FHOD3: variants seen among roughly 807,000 people sequenced by gnomAD.
The protein encoded by FHOD3 is FH1/FH2 domain-containing protein 3.
A neutral mutation model predicts 173.0 loss-of-function variants in FHOD3; 90 were observed. The ratio of observed to expected loss-of-function variants is 0.52; its 90% confidence interval spans 0.44 to 0.62. The LOEUF is 0.62. FHOD3 is among the 20% of genes least tolerant of loss of function. FHOD3 has a pLI of 0.00. For synonymous variants in FHOD3, 828 were observed against 823.0 expected, an observed-to-expected ratio of 1.01 and a Z score of -0.10; for missense variants, 1,945 against 2,034.7, an observed-to-expected ratio of 0.96 and a Z score of 0.85.
intron 8 of FHOD3, among the ~76,000 whole-genome samples, chr18:36,611,241 G>A (rs4482369): frequency 6.6e-6 from 1 of 152,332 alleles, no homozygotes; most frequent in South Asian, 2.1e-4. Context: ...TTACAAAGTA[G>A]GTTAGTTTTC....
chr18:36,439,648 G>A (rs2051023184), intron 3 of FHOD3, among the ~76,000 whole-genome samples: 1 of 151,744 alleles, frequency 6.6e-6, no homozygotes, highest in African/African-American at 2.4e-5. Context: ...TCTGCAAGCT[G>A]GAGACTCAGG....
chr18:36,379,140 A>G (rs1055298174), intron 3 of FHOD3, among the ~76,000 whole-genome samples: 2 of 152,230 alleles, frequency 1.3e-5, no homozygotes, highest in African/African-American at 4.8e-5. Context: ...ATCTACAGAC[A>G]TGCGGATAAA....
intron 10 of FHOD3, among the ~76,000 whole-genome samples, chr18:36,648,913 G>T (rs78853627): frequency 6.6e-6 from 1 of 152,208 alleles, no homozygotes; most frequent in Non-Finnish European, 1.5e-5. Context: ...TCTGGTTGCT[G>T]CAGCAGCTGG....
intron 10 of FHOD3, among the ~76,000 whole-genome samples, chr18:36,628,624 G>T (rs973705577): frequency 1.3e-5 from 2 of 152,112 alleles, no homozygotes; most frequent in Admixed American, 1.3e-4. Context: ...ATTGGTCATT[G>T]GTCAACTAAA....
intron 3 of FHOD3, among the ~76,000 whole-genome samples, chr18:36,465,505 G>C (rs1035097082): frequency 6.6e-6 from 1 of 152,142 alleles, no homozygotes; most frequent in Non-Finnish European, 1.5e-5. Context: ...TGGTACAGGA[G>C]GGGCAGTGCT....
intron 3 of FHOD3, among the ~76,000 whole-genome samples, chr18:36,443,201 C>A (rs904660813): frequency 6.6e-6 from 1 of 152,136 alleles, no homozygotes; most frequent in African/African-American, 2.4e-5. Context: ...ATTATGTAAA[C>A]ATCCTGCTCA....
chr18:36,573,556 T>C (rs1270685107), intron 5 of FHOD3, among the ~76,000 whole-genome samples: 2 of 152,108 alleles, frequency 1.3e-5, no homozygotes, highest in Non-Finnish European at 2.9e-5. Context: ...CAGTGAGCCA[T>C]GATGGCACCA....
At chr18:36,531,526 C>CTAAA (rs2056780082) in intron 5 of FHOD3, among the ~76,000 whole-genome samples, 1 of 152,172 alleles carries the variant, frequency 6.6e-6, no homozygotes, top group Non-Finnish European at 1.5e-5. Context: ...GCCTCCCTTC[C>CTAAA]TAAATCACAG....
chr18:36,659,628 G>C (rs1192755069), intron 14 of FHOD3, among the ~76,000 whole-genome samples: 1 of 152,198 alleles, frequency 6.6e-6, no homozygotes, highest in Non-Finnish European at 1.5e-5. Flanking sequence ...ACAGTGCCTG[G>C]GGCCTGGCAA....
chr18:36,637,800 G>T (rs1373253740), intron 10 of FHOD3, among the ~76,000 whole-genome samples: 1 of 152,160 alleles, frequency 6.6e-6, no homozygotes, highest in Non-Finnish European at 1.5e-5. Context: ...TGTGGACAGG[G>T]AGAGGCCTTA....
At chr18:36,487,647 G>A (rs2054258549) in intron 3 of FHOD3, among the ~76,000 whole-genome samples, 1 of 152,198 alleles carries the variant, frequency 6.6e-6, no homozygotes, top group Non-Finnish European at 1.5e-5. Context: ...ATTGAAGTCT[G>A]GCAGAACTTT....
At chr18:36,475,959 G>A (rs1350809179) in intron 3 of FHOD3, among the ~76,000 whole-genome samples, 1 of 152,110 alleles carries the variant, frequency 6.6e-6, no homozygotes, top group Non-Finnish European at 1.5e-5. Flanking sequence ...TTGACAAAAT[G>A]TACAATTACT....
chr18:36,525,630 A>C (rs777760290), intron 5 of FHOD3, among the ~76,000 whole-genome samples: 12 of 152,236 alleles, frequency 7.9e-5, no homozygotes, highest in Non-Finnish European at 5.9e-5. Context: ...GAATACTCTG[A>C]CCTCAGAGGT....
At chr18:36,675,152 A>G (rs2037769641) in intron 14 of FHOD3, among the ~76,000 whole-genome samples, 1 of 152,076 alleles carries the variant, frequency 6.6e-6, no homozygotes, top group Non-Finnish European at 1.5e-5. Flanking sequence ...AAGGCTGGCT[A>G]ATCATGTCCC....
In FHOD3 at chr18:36,372,635, C is replaced by G. The variant is rs529414204; in HGVS notation, c.273-45C>G. ...TGGATTGACAGCATGTGAGGTGTCTCTGCTGACTCCTCTGATGCCCCTGTT... is the reference window on the plus strand; with the variant it reads ...TGGATTGACAGCATGTGAGGTGTCTGTGCTGACTCCTCTGATGCCCCTGTT... On this transcript the variant is annotated intron_variant, in intron 2 of 28. Transcript: ENST00000590592. 161 of 1,557,594 alleles carry G rather than the reference C, an allele frequency of 1.0e-4. 2 individuals are homozygous for G. The South Asian group carries it at 1.7e-3, about 17-fold the overall frequency.
chr18:36,639,214 A>G (rs1203239856), intron 10 of FHOD3, among the ~76,000 whole-genome samples: 1 of 152,172 alleles, frequency 6.6e-6, no homozygotes, highest in Non-Finnish European at 1.5e-5. Context: ...TTCTCTGTCA[A>G]CTTCTGCTCT....
At chr18:36,544,407 T>C (rs1240719251) in intron 5 of FHOD3, 2 of 152,404 alleles carry the variant, frequency 1.3e-5, no homozygotes, top group Admixed American at 1.3e-4. Flanking sequence ...CTCTGGTCTG[T>C]GGGTAAATGC....
chr18:36,624,747 G>A (rs1440540555), intron 9 of FHOD3, among the ~76,000 whole-genome samples: 9 of 152,060 alleles, frequency 5.9e-5, no homozygotes, highest in African/African-American at 1.2e-4. Flanking sequence ...CATGTAAGCC[G>A]GAGTGGCAAA....
At chr18:36,711,810 G>T (rs1030561137) in intron 18 of FHOD3, among the ~76,000 whole-genome samples, 1 of 152,206 alleles carries the variant, frequency 6.6e-6, no homozygotes, top group African/African-American at 2.4e-5. Flanking sequence ...ACTGGGAAAA[G>T]GATTGCCTAA....
Sources: allele counts gnomAD v4.1 joint callset (sites outside exome capture counted in the v4.1 genomes callset), GRCh38; gene constraint gnomAD v4.1.1; transcripts MANE v1.5; gene names NCBI Gene and HGNC (gene_info 2026-07-23, HGNC 2026-07-21).